EBF3: variants seen among roughly 807,000 people sequenced by gnomAD.
EBF3 encodes EBF transcription factor 3, also known as transcription factor COE3.
In EBF3, 18 loss-of-function variants were observed where a neutral mutation model predicts 77.1. That is an observed-to-expected ratio of 0.23 (90% CI 0.16 to 0.35). The LOEUF (loss-of-function observed/expected upper bound fraction) is 0.35. EBF3 is among the 10% of genes least tolerant of loss of function. EBF3 has a pLI of 1.00. For missense variants in EBF3, 558 were observed against 860.0 expected (o/e 0.65, Z 4.39); for synonymous variants, 350 against 343.5 (o/e 1.02, Z -0.21).
Position 129,952,842 on chromosome 10 carries a change from A to G in EBF3, c.554+4416T>C, listed in dbSNP as rs1858767135. On this transcript the variant is annotated intron_variant, in intron 6 of 16. Transcript: ENST00000440978. The surrounding 1 kb of genome is among the most constrained non-coding windows in gnomAD (Gnocchi z 4.7). Reference sequence around the variant, plus strand: ...GCAAAATCGGCATTAGGCCCAAATTACACGATATTAATACTTGAACAGGTG... The same window carrying G: ...GCAAAATCGGCATTAGGCCCAAATTGCACGATATTAATACTTGAACAGGTG... Among the ~76,000 whole-genome samples the G allele has an allele frequency of 6.6e-6, 1 of 152,208 alleles. No individual in the cohort carries two copies. The highest frequency in any genetic ancestry group is 1.5e-5 in the Non-Finnish European group (1 of 68,036).
intron 6 of EBF3, among the ~76,000 whole-genome samples, chr10:129,925,604 A>G (rs1171791): frequency 0.013 from 2,003 of 151,190 alleles, 50 homozygotes; most frequent in African/African-American, 0.044. Flanking sequence ...AAAAAAAAAA[A>G]AAAGAAAGAA....
intron 10 of EBF3, among the ~76,000 whole-genome samples, chr10:129,849,604 C>T (rs1218118106): frequency 2.6e-5 from 4 of 152,198 alleles, no homozygotes; most frequent in African/African-American, 9.6e-5. Flanking sequence ...GCTTGGGCGT[C>T]GGCGCATCTT....
At chr10:129,920,010 CACT>C (rs1856164397) in intron 6 of EBF3, among the ~76,000 whole-genome samples, 1 of 147,374 alleles carries the variant, frequency 6.8e-6, no homozygotes. Context: ...AAACCCGCCC[CACT>C]GTGCGGTCTA....
At position 129,840,773 on chromosome 10, in the gene EBF3, G is replaced by A. The variant is rs570480057; in HGVS notation, c.1561+71C>T. On this transcript the variant is annotated intron_variant, in intron 14 of 16. Transcript: ENST00000440978. Reference sequence around the variant, plus strand: ...GTAGCTCACATCACAGAACATCCAAGCAATGCACACACTCGACTCGGTAGT... The same window carrying A: ...GTAGCTCACATCACAGAACATCCAAACAATGCACACACTCGACTCGGTAGT... 4 of 1,539,958 alleles carry A rather than the reference G, an allele frequency of 2.6e-6. No homozygotes were observed. The South Asian group carries it at 5.0e-5, about 19-fold the overall frequency.
At chr10:129,873,371 A>T in intron 8 of EBF3, 81 bp downstream of exon 8, 1 of 1,381,232 alleles carries the variant, frequency 7.2e-7, no homozygotes, top group Non-Finnish European at 9.4e-7. Flanking sequence ...GGTGAGAGTA[A>T]CTCCACATGA....
At chr10:129,923,710 C>T (rs1280348082) in intron 6 of EBF3, among the ~76,000 whole-genome samples, 6 of 152,034 alleles carry the variant, frequency 3.9e-5, no homozygotes, top group Admixed American at 2.0e-4. Context: ...AAACAGAGGG[C>T]AAAGATGTCG....
In EBF3 at chr10:129,879,084, G is replaced by A. The variant is rs539043626; in HGVS notation, c.555-1235C>T. On this transcript the variant is annotated intron_variant, in intron 6 of 16. Transcript: ENST00000440978. The surrounding 1 kb of genome is among the most constrained non-coding windows in gnomAD (Gnocchi z 4.7). ...CTAAAACGTCATCATGTTGTCCTCC[G>A]CATTCCTGCATGCTCAGTGACATTG... Among the ~76,000 whole-genome samples the A allele has an allele frequency of 6.6e-6, 1 of 152,210 alleles. No homozygotes were observed. Among genetic ancestry groups the A allele is most frequent in the Admixed American group, 6.5e-5 (1 of 15,278 alleles).
intron 8 of EBF3, among the ~76,000 whole-genome samples, chr10:129,869,838 T>C (rs1459193454): frequency 6.6e-6 from 1 of 152,188 alleles, no homozygotes; most frequent in African/African-American, 2.4e-5. Flanking sequence ...TGCTAATAAG[T>C]TCATACAAAT....
intron 6 of EBF3, among the ~76,000 whole-genome samples, chr10:129,940,741 T>C (rs1857672537): frequency 6.6e-6 from 1 of 152,146 alleles, no homozygotes; most frequent in Non-Finnish European, 1.5e-5. Context: ...TCAGGAGTTC[T>C]CCAGGCCCCC....
intron 10 of EBF3, among the ~76,000 whole-genome samples, 199 bp downstream of exon 10, chr10:129,866,942 C>T (rs1852060095): frequency 1.3e-5 from 2 of 152,236 alleles, no homozygotes; most frequent in South Asian, 4.1e-4. Flanking sequence ...GGGGCTGCCC[C>T]ATCCACGGCT....
intron 5 of EBF3, 147 bp downstream of exon 5, chr10:129,958,787 C>T: frequency 9.0e-7 from 1 of 1,112,428 alleles, no homozygotes; most frequent in Non-Finnish European, 1.2e-6. Flanking sequence ...CCTCCGCGGC[C>T]CGGCGCGCGG....
chr10:129,941,411 C>T lies in EBF3; in HGVS notation c.554+15847G>A, dbSNP rs181470763. Among the ~76,000 whole-genome samples, 287 of 152,332 alleles carry T rather than the reference C, an allele frequency of 1.9e-3. 1 individual carries two copies. Among genetic ancestry groups the T allele is most frequent in the African/African-American group, 6.7e-3 (277 of 41,590 alleles). On this transcript the variant is annotated intron_variant, in intron 6 of 16. Transcript: ENST00000440978. ...CACAAAAGGTGTGCCAGGCACTGAA[C>T]GCCTGGAGGTGGCCCAGCAGCCCTT...
chr10:129,903,723 C>T (rs1425760987), intron 6 of EBF3, among the ~76,000 whole-genome samples: 1 of 152,088 alleles, frequency 6.6e-6, no homozygotes, highest in Non-Finnish European at 1.5e-5. Flanking sequence ...TCCTTGCTCC[C>T]AAAGGTGCTC....
chr10:129,888,102 C>T (rs1354752390), intron 6 of EBF3, among the ~76,000 whole-genome samples: 1 of 152,194 alleles, frequency 6.6e-6, no homozygotes, highest in East Asian at 1.9e-4. Context: ...AGAACAGTTT[C>T]GTTGTCCTCG....
At chr10:129,846,804 G>GAATT (rs1360887287) in intron 11 of EBF3, among the ~76,000 whole-genome samples, 2 of 152,084 alleles carry the variant, frequency 1.3e-5, no homozygotes, top group Admixed American at 6.5e-5. Flanking sequence ...GTTTTCACCT[G>GAATT]AATTAAAAGA....
rs1438560301 is a variant in EBF3, at chr10:129,837,552, G to A, written c.*391C>T. 9.9e-6 allele frequency: 2 copies of A among 201,656 alleles called. No homozygotes were observed. Among genetic ancestry groups the A allele is most frequent in the Non-Finnish European group, 2.0e-5 (2 of 99,730 alleles). 12.5% of individuals were successfully genotyped at this position (201,656 alleles called of 1,614,324 possible). On this transcript the variant is annotated 3_prime_UTR_variant, in exon 17 of 17. Coordinates refer to ENST00000440978, the MANE Select transcript of EBF3 (RefSeq NM_001375380.1). The stretch of plus-strand genomic sequence containing the variant: ...ATGTTTGGAGGCATTTTTCATCAGC[G>A]TTTCATGATCATCAAAATGGTGCAT...
intron 6 of EBF3, among the ~76,000 whole-genome samples, chr10:129,913,510 G>T (rs962887253): frequency 6.6e-5 from 10 of 152,284 alleles, no homozygotes; most frequent in African/African-American, 2.4e-4. Context: ...TATGATGAAT[G>T]GCCTGTATTT....
In EBF3 at chr10:129,879,305, C is replaced by G. The variant is rs191917458; in HGVS notation, c.555-1456G>C. On this transcript the variant is annotated intron_variant, in intron 6 of 16. Coordinates refer to ENST00000440978, the MANE Select transcript of EBF3 (RefSeq NM_001375380.1). This position sits in a 1 kb window ranked among gnomAD's most constrained non-coding sequence, Gnocchi z 4.7. ...TCTGCACGTGGCCAAGCATCCTGTC[C>G]AGCAAGGTCATCAACACAAACCTTT... 3.5e-4 allele frequency among the ~76,000 whole-genome samples: 53 copies of G among 152,322 alleles called. No individual in the cohort carries two copies. The highest frequency in any genetic ancestry group is 1.3e-3 in the African/African-American group (52 of 41,572).
chr10:129,877,628 T>G, intron 7 of EBF3, 140 bp downstream of exon 7: 2 of 659,946 alleles, frequency 3.0e-6, no homozygotes, highest in Non-Finnish European at 5.2e-6. Flanking sequence ...TTGCATATTT[T>G]TATCAAATGC....
Sources: gnomAD v4.1 joint callset for allele counts (sites outside exome capture counted in the v4.1 genomes callset) on GRCh38, gnomAD v4.1.1 for gene constraint, Gnocchi (gnomAD v3.1) non-coding constraint, MANE v1.5 for transcripts, NCBI Gene and HGNC (gene_info 2026-07-23, HGNC 2026-07-21) for gene names.